Variants in SMCO2 observed in about 807,000 individuals in gnomAD.
The protein encoded by SMCO2 is single-pass membrane and coiled-coil domain-containing protein 2.
Under a neutral mutation model 29.5 loss-of-function variants are expected in SMCO2, and 25 were observed. The ratio of observed to expected loss-of-function variants is 0.85; its 90% CI spans 0.62 to 1.18. SMCO2 has a LOEUF of 1.18. SMCO2 is among the 50% of genes most tolerant of loss of function. The probability of loss-of-function intolerance (pLI) is 0.00; values close to 1 mark genes in which losing one functional copy is unlikely to be tolerated. For missense variants in SMCO2, 348 were observed against 344.5 expected (o/e 1.01, Z -0.08); for synonymous variants, 117 against 123.3 (o/e 0.95, Z 0.34).
chr12:27,498,145 C>T, intron 7 of SMCO2: 1 of 362,514 alleles, frequency 2.8e-6, no homozygotes, highest in South Asian at 3.0e-5. Context: ...TTTCCCATAA[C>T]CGGTTGAGTG....
chr12:27,426,703 A>G, the SMCO2 span, among the ~76,000 whole-genome samples: 1 of 152,220 alleles, frequency 6.6e-6, no homozygotes, highest in Non-Finnish European at 1.5e-5. Context: ...TATATAGCAA[A>G]CAAATATATA....
intron 3 of SMCO2, 116 bp from the exon 4 acceptor site, chr12:27,474,670 C>T: frequency 8.3e-7 from 1 of 1,206,414 alleles, no homozygotes; most frequent in Non-Finnish European, 1.1e-6. Flanking sequence ...AAGCTCCAGT[C>T]TCAGAGAGGA....
rs1391381597 is a variant in SMCO2, at chr12:27,473,096, T to C, written c.234+221T>C. ...CATGAAGGACTTACTAGCCTTCCCA[T>C]GCGAACAAAAAAGAAAAAAAAGTGA... On this transcript the variant is annotated intron_variant, in intron 3 of 7. Coordinates refer to ENST00000298876, the Ensembl canonical transcript of SMCO2. 6 of 448,612 alleles carry C rather than the reference T, an allele frequency of 1.3e-5. No homozygotes were observed. In the East Asian group the frequency reaches 2.2e-4, roughly 16 times the overall value. 27.8% of individuals were successfully genotyped at this position (448,612 alleles called of 1,614,324 possible).
At chr12:27,494,460 A>C (rs1472711262) in intron 6 of SMCO2, 104 bp downstream of exon 7, 1 of 412,844 alleles carries the variant, frequency 2.4e-6, no homozygotes, top group Non-Finnish European at 4.3e-6. Context: ...ACCACATACT[A>C]GTCTCTTTCT....
the SMCO2 span, among the ~76,000 whole-genome samples, chr12:27,455,661 A>G: frequency 1.3e-5 from 2 of 152,224 alleles, no homozygotes; most frequent in African/African-American, 4.8e-5. Context: ...AGAAGCACAA[A>G]CAAGGACATT....
intron 5 of SMCO2, 42 bp downstream of exon 6, chr12:27,488,589 C>G: frequency 1.4e-6 from 2 of 1,421,128 alleles, no homozygotes; most frequent in Non-Finnish European, 1.9e-6. Flanking sequence ...TTGGGGATTT[C>G]TGTCACTTCT....
At chr12:27,458,913 C>T in the SMCO2 span, among the ~76,000 whole-genome samples, 1 of 145,106 alleles carries the variant, frequency 6.9e-6, no homozygotes. Flanking sequence ...AAAGACCAGG[C>T]GCGGTGGCTC....
At chr12:27,426,336 G>C in the SMCO2 span, among the ~76,000 whole-genome samples, 3 of 152,064 alleles carry the variant, frequency 2.0e-5, no homozygotes, top group African/African-American at 7.3e-5. Context: ...TACATGAGGA[G>C]AGACAACTTT....
the SMCO2 span, among the ~76,000 whole-genome samples, chr12:27,447,414 A>T: frequency 6.6e-6 from 1 of 151,766 alleles, no homozygotes. Flanking sequence ...CTTACTACTA[A>T]CAGGGTGATC....
Position 27,488,180 on chromosome 12 carries a change from CTG to C in SMCO2, c.363-274_363-273del, listed in dbSNP as rs537147496. The stretch of plus-strand genomic sequence containing the variant: ...CCTAATCTTATGTCCCCCAAATTTT[CTG>C]TGTGTTTTTTTCTTAGAAATTTTAT... On this transcript the variant is annotated intron_variant, in intron 4 of 7. Transcript: ENST00000298876. 9.9e-5 allele frequency among the ~76,000 whole-genome samples: 15 copies of C among 152,184 alleles called. No homozygotes were observed. In the South Asian group the frequency reaches 2.9e-3, roughly 29 times the overall value.
intron 4 of SMCO2, among the ~76,000 whole-genome samples, chr12:27,479,750 C>T (rs528747507): frequency 6.6e-6 from 1 of 152,274 alleles, no homozygotes; most frequent in Non-Finnish European, 1.5e-5. Context: ...CTACACAAGC[C>T]CTCTCTTGCC....
intron 4 of SMCO2, among the ~76,000 whole-genome samples, chr12:27,487,274 T>A (rs560577938): frequency 6.6e-6 from 1 of 152,172 alleles, no homozygotes; most frequent in Non-Finnish European, 1.5e-5. Context: ...CTGTTCCACA[T>A]GTCTATAATT....
the SMCO2 span, chr12:27,424,024 T>C: frequency 6.6e-6 from 1 of 152,220 alleles, no homozygotes; most frequent in Admixed American, 6.5e-5. Context: ...ACATTAATAA[T>C]TTTATATTAA....
the SMCO2 span, among the ~76,000 whole-genome samples, chr12:27,447,936 A>G: frequency 1.3e-5 from 2 of 152,122 alleles, no homozygotes; most frequent in African/African-American, 4.8e-5. Context: ...TGCCACCGCA[A>G]CCTTCCCTAG....
the SMCO2 span, among the ~76,000 whole-genome samples, chr12:27,449,229 T>C: frequency 6.6e-6 from 1 of 152,214 alleles, no homozygotes; most frequent in African/African-American, 2.4e-5. Context: ...GCCGCAAAGG[T>C]CATCAAGGTG....
chr12:27,431,756 A>T, the SMCO2 span, among the ~76,000 whole-genome samples: 1 of 152,206 alleles, frequency 6.6e-6, no homozygotes, highest in Admixed American at 6.5e-5. Flanking sequence ...TTCTTTGGAC[A>T]TATACCCAGA....
At chr12:27,465,739 A>C (rs548626035), upstream of SMCO2, among the ~76,000 whole-genome samples, 19 of 152,368 alleles carry the variant, frequency 1.2e-4, no homozygotes, top group African/African-American at 4.6e-4. Context: ...GGTAGATCTT[A>C]GTAAACCAAT....
the SMCO2 span, among the ~76,000 whole-genome samples, chr12:27,436,791 C>G: frequency 7.9e-5 from 12 of 152,158 alleles, no homozygotes; most frequent in Non-Finnish European, 1.5e-5. Context: ...AGTGCCCCTC[C>G]TGGTAATGGG....
Position 27,468,154 on chromosome 12 carries a change from G to A in SMCO2, c.-11+1179G>A, listed in dbSNP as rs375416725. On this transcript the variant is annotated intron_variant, in intron 1 of 7. Coordinates refer to ENST00000298876, the Ensembl canonical transcript of SMCO2. ...CAATAAGATAAGGCCCAGCTGTGAAGTGTTGATGCTGGATTATGAACTCAG... is the reference window on the plus strand; with the variant it reads ...CAATAAGATAAGGCCCAGCTGTGAAATGTTGATGCTGGATTATGAACTCAG... Among the ~76,000 whole-genome samples, 136 of 152,234 alleles carry A rather than the reference G, an allele frequency of 8.9e-4. 1 individual carries two copies. The South Asian group carries it at 0.017, about 19-fold the overall frequency.
Sources: gnomAD v4.1 joint callset for allele counts (sites outside exome capture counted in the v4.1 genomes callset) on GRCh38, gnomAD v4.1.1 for gene constraint, MANE v1.5 for transcripts, NCBI Gene and HGNC (gene_info 2026-07-23, HGNC 2026-07-21) for gene names.